DMGDH: variants seen among roughly 807,000 people sequenced by gnomAD.
DMGDH encodes the protein dimethylglycine dehydrogenase, mitochondrial.
A neutral mutation model predicts 95.2 loss-of-function variants in DMGDH; 76 were observed. The observed-to-expected ratio is 0.80, with a 90% CI of 0.66 to 0.97. The LOEUF (loss-of-function observed/expected upper bound fraction) is 0.97, where lower values mean the gene tolerates loss of function less well. Ranked by LOEUF, DMGDH falls within the 50% of genes least tolerant of loss-of-function variation. The pLI is 0.00. For missense variants in DMGDH, 987 were observed against 1,055.0 expected, an observed-to-expected ratio of 0.94 and a Z score of 0.89; for synonymous variants, 345 against 377.6, an observed-to-expected ratio of 0.91 and a Z score of 1.00.
At chr5:79,062,484 GGAT>G (rs1755239226) in intron 2 of DMGDH, among the ~76,000 whole-genome samples, 2 of 151,058 alleles carry the variant, frequency 1.3e-5, no homozygotes, top group South Asian at 4.2e-4. Flanking sequence ...TGATGAAATG[GGAT>G]GATGAGCAGG....
rs1554037676 is a variant in DMGDH, at chr5:79,054,435, G to C, written c.376-87C>G. On this transcript the variant is annotated intron_variant, in intron 3 of 15. Transcript: ENST00000255189. Reference sequence around the variant, plus strand: ...TCTGCTCCAGTATAATGAAAATGCAGCTGTACAAAAAGATTTATTACGAGT... The same window carrying C: ...TCTGCTCCAGTATAATGAAAATGCACCTGTACAAAAAGATTTATTACGAGT... 9 of 1,324,028 alleles carry C rather than the reference G, an allele frequency of 6.8e-6. No homozygotes were observed. The South Asian group carries it at 7.3e-5, about 11-fold the overall frequency. The allele number at this position is 1,324,028 out of a possible 1,614,324, so 82.0% of individuals were successfully genotyped here. A position where few individuals can be genotyped will look rare whatever the true frequency, so the allele number is the denominator to read the frequency against.
At chr5:79,018,895 T>C (rs1242241258) in intron 14 of DMGDH, among the ~76,000 whole-genome samples, 1 of 152,190 alleles carries the variant, frequency 6.6e-6, no homozygotes. Flanking sequence ...TGACAGGTGT[T>C]TCAGGAATGG....
At chr5:79,029,748 A>G (rs1031480658) in intron 11 of DMGDH, among the ~76,000 whole-genome samples, 156 bp downstream of exon 11, 2 of 152,364 alleles carry the variant, frequency 1.3e-5, no homozygotes, top group East Asian at 3.9e-4. Context: ...CTCACTTCAA[A>G]TATTTTTGTA....
chr5:79,009,069 C>T (rs192313240), intron 14 of DMGDH, among the ~76,000 whole-genome samples: 62 of 152,236 alleles, frequency 4.1e-4, no homozygotes, highest in African/African-American at 1.5e-3. Flanking sequence ...GCTTTAAATA[C>T]TCTAAATAAA....
chr5:79,067,918 G>A (rs1196994955), intron 1 of DMGDH, among the ~76,000 whole-genome samples: 2 of 152,108 alleles, frequency 1.3e-5, no homozygotes, highest in African/African-American at 4.8e-5. Context: ...CAACTTTTGG[G>A]TGTTTTTGTT....
Position 79,033,310 on chromosome 5 carries a change from C to T in DMGDH, c.1292G>A (p.Arg431His), listed in dbSNP as rs771662858. ...PFDLIELDPNRYGKWTTTQYT... is the reference protein window; with the variant it reads ...PFDLIELDPNHYGKWTTTQYT... ...CTGGGTTGTTGTCCATTTGCCATAG[C>T]GATTAGGATCCAATTCTATCAGATC... The change falls in exon 8 of 16, where the codon CGC becomes CAC. Residue 431 changes from arginine (R) to histidine (H), a missense_variant. Transcript: ENST00000255189. 11 of 1,613,990 alleles carry T rather than the reference C, an allele frequency of 6.8e-6. No homozygotes were observed. The highest frequency in any genetic ancestry group is 6.7e-5 in the East Asian group (3 of 44,882).
At chr5:79,001,440 G>A (rs1264783802) in intron 15 of DMGDH, among the ~76,000 whole-genome samples, 1 of 152,196 alleles carries the variant, frequency 6.6e-6, no homozygotes, top group African/African-American at 2.4e-5. Flanking sequence ...TGGGATTACA[G>A]GTATGAGCTA....
intron 12 of DMGDH, 46 bp downstream of exon 12, chr5:79,028,387 C>T (rs1212447437): frequency 6.7e-7 from 1 of 1,488,554 alleles, no homozygotes; most frequent in East Asian, 2.3e-5. Context: ...TTTAAATTGA[C>T]CTTTTAAATT....
chr5:79,001,092 T>G, intron 15 of DMGDH: 1 of 642,046 alleles, frequency 1.6e-6, no homozygotes, highest in Non-Finnish European at 2.8e-6. Context: ...ATCCTGCCTT[T>G]GGTTACTCCC....
rs77712752 is a variant in DMGDH at position 79,035,247 on chromosome 5, C to T, written c.1194-1839G>A. Among the ~76,000 whole-genome samples, 1,319 of 152,160 alleles carry T rather than the reference C, an allele frequency of 8.7e-3. 16 individuals carry two copies. The highest frequency in any genetic ancestry group is 0.03 in the African/African-American group (1,234 of 41,488). Reference sequence around the variant, plus strand: ...TATTAAACTTAGCACATTCACTTAACCAGGCCCAATGCCCATATAGATCAA... The same window carrying T: ...TATTAAACTTAGCACATTCACTTAATCAGGCCCAATGCCCATATAGATCAA... On this transcript the variant is annotated intron_variant, in intron 7 of 15. Coordinates refer to ENST00000255189, the MANE Select transcript of DMGDH (RefSeq NM_013391.3).
rs147668827 is a variant in DMGDH at position 79,051,407 on chromosome 5, A to G, written c.625T>C (p.Cys209Arg). ...GCAGGATATTTTAAAAGGGCACCAC[A>G]TTTCCTAGCCCCAGCAGCCAGTGCC... ...TMALAAGARK[C>R]GALLKYPAPV... Residue 209 changes from cysteine (C) to arginine (R), a missense_variant, in exon 5 of 16, where the codon TGT (cysteine) becomes CGT (arginine). Transcript: ENST00000255189. 19 of 1,614,048 alleles carry G rather than the reference A, an allele frequency of 1.2e-5. No individual in the cohort carries two copies. In the Middle Eastern group the frequency reaches 1.2e-3, roughly 98 times the overall value.
At chr5:79,033,194 C>A in intron 8 of DMGDH, 45 bp downstream of exon 8, 1 of 1,611,186 alleles carries the variant, frequency 6.2e-7, no homozygotes, top group Non-Finnish European at 8.5e-7. Context: ...TGCTACAATT[C>A]AATTCCGTCA....
chr5:79,017,713 G>A lies in DMGDH; in HGVS notation c.2250+6558C>T, dbSNP rs577076082. On this transcript the variant is annotated intron_variant, in intron 14 of 15. Transcript: ENST00000255189. ...AAATACTTGTACACAAATGTTCACA[G>A]TGTCAGCTGACTGTTGAACAACTCA... is the stretch of plus-strand genomic sequence containing the variant. Among the ~76,000 whole-genome samples the A allele has an allele frequency of 3.3e-5, 5 of 152,332 alleles. No homozygotes were observed. In the East Asian group the frequency reaches 9.6e-4, roughly 29 times the overall value.
intron 15 of DMGDH, among the ~76,000 whole-genome samples, chr5:79,003,636 A>C (rs1259495001): frequency 2.0e-5 from 3 of 152,204 alleles, no homozygotes; most frequent in African/African-American, 7.2e-5. Context: ...ACTCAGATGC[A>C]CAAGAATGTG....
At chr5:79,002,745 A>C (rs1753474187) in intron 15 of DMGDH, among the ~76,000 whole-genome samples, 1 of 152,256 alleles carries the variant, frequency 6.6e-6, no homozygotes, top group Non-Finnish European at 1.5e-5. Context: ...GTCTGAAAAG[A>C]AAAAGCAAAA....
intron 15 of DMGDH, 108 bp downstream of exon 15, chr5:79,005,165 C>T: frequency 6.8e-7 from 1 of 1,475,732 alleles, no homozygotes; most frequent in Non-Finnish European, 9.4e-7. Flanking sequence ...CGTGTCATCC[C>T]TCCAACAAAT....
intron 7 of DMGDH, among the ~76,000 whole-genome samples, chr5:79,034,220 C>T (rs1008116112): frequency 3.3e-5 from 5 of 152,054 alleles, no homozygotes; most frequent in Admixed American, 6.5e-5. Flanking sequence ...ATGACCTGTG[C>T]GCAAGGAACT....
Position 79,030,987 on chromosome 5 carries a change from C to T in DMGDH, c.1529G>A (p.Arg510His), listed in dbSNP as rs139593666. The part of the protein sequence containing the change: ...GQDTQYRPSF[R>H]RTNWFEPVGS... ...CACAGGCTCAAACCAGTTTGTGCGGCGAAAACTTGGCCTGAAACACAACAT... is the reference window on the plus strand; with the variant it reads ...CACAGGCTCAAACCAGTTTGTGCGGTGAAAACTTGGCCTGAAACACAACAT... The change falls in exon 10 of 16, where the codon CGC becomes CAC. Residue 510 changes from arginine to histidine, a missense_variant. Coordinates refer to ENST00000255189, the MANE Select transcript of DMGDH (RefSeq NM_013391.3). 63 of 1,614,032 alleles carry T rather than the reference C, an allele frequency of 3.9e-5. No homozygotes were observed. The highest frequency in any genetic ancestry group is 8.9e-5 in the East Asian group (4 of 44,896).
chr5:79,001,053 T>C (rs755386523), intron 15 of DMGDH: 15 of 676,612 alleles, frequency 2.2e-5, no homozygotes, highest in Non-Finnish European at 3.8e-5. Flanking sequence ...TTCCTCGCCA[T>C]CAATGGCTAC....
Sources: gnomAD v4.1 joint callset for allele counts (sites outside exome capture counted in the v4.1 genomes callset) on GRCh38, gnomAD v4.1.1 for gene constraint, MANE v1.5 for transcripts, NCBI Gene and HGNC (gene_info 2026-07-23, HGNC 2026-07-21) for gene names.